SLC25A37: variants seen among roughly 807,000 people sequenced by gnomAD.
SLC25A37 encodes the protein mitoferrin-1.
A neutral mutation model predicts 31.0 loss-of-function variants in SLC25A37; 17 were observed. The observed-to-expected ratio is 0.55, with a 90% CI of 0.38 to 0.82. The LOEUF (loss-of-function observed/expected upper bound fraction) is 0.82. Among genes scored for constraint, SLC25A37 ranks in the 40% least tolerant of loss-of-function variants. The probability of loss-of-function intolerance (pLI) is 0.00; values close to 1 mark genes in which losing one functional copy is unlikely to be tolerated. For synonymous variants in SLC25A37, 222 were observed against 193.0 expected (o/e 1.15, Z -1.24); for missense variants, 404 against 465.8 (o/e 0.87, Z 1.22).
intron 1 of SLC25A37, among the ~76,000 whole-genome samples, chr8:23,563,099 A>G (rs1016198397): frequency 6.6e-6 from 1 of 152,178 alleles, no homozygotes; most frequent in East Asian, 1.9e-4. Context: ...TGACCTGGGT[A>G]TTCTCTTGGT....
At position 23,560,214 on chromosome 8, in the gene SLC25A37, G is replaced by A. The variant is rs745956386; in HGVS notation, c.211-5894G>A. 5.6e-4 allele frequency among the ~76,000 whole-genome samples: 85 copies of A among 152,308 alleles called. 1 individual carries two copies. The Middle Eastern group carries it at 0.01, about 18-fold the overall frequency. The stretch of plus-strand genomic sequence containing the variant: ...GCCCAGGAGGCTCAGGCTGCAGTGA[G>A]CTATGATCGTGCCACTGCACTCTAG... On this transcript the variant is annotated intron_variant, in intron 1 of 3. Coordinates refer to ENST00000519973, the MANE Select transcript of SLC25A37 (RefSeq NM_016612.4).
intron 1 of SLC25A37, among the ~76,000 whole-genome samples, chr8:23,539,797 A>G (rs4872143): frequency 0.039 from 5,973 of 152,340 alleles, 454 homozygotes; most frequent in East Asian, 0.35. Context: ...GTGCTTGATT[A>G]TTAGAGCTGT....
rs1002144928 is a variant in SLC25A37 at position 23,550,533 on chromosome 8, C to G, written c.211-15575C>G. Reference sequence around the variant, plus strand: ...GCCTCCGCCAAGGGCGTGGGAACTGCATTTGTAGAAGCTGGGAGGACCACA... The same window carrying G: ...GCCTCCGCCAAGGGCGTGGGAACTGGATTTGTAGAAGCTGGGAGGACCACA... On this transcript the variant is annotated intron_variant, in intron 1 of 3. Coordinates refer to ENST00000519973, the MANE Select transcript of SLC25A37 (RefSeq NM_016612.4). Among the ~76,000 whole-genome samples the G allele has an allele frequency of 9.9e-5, 15 of 152,240 alleles. 1 individual carries two copies. Among genetic ancestry groups the G allele is most frequent in the African/African-American group, 3.6e-4 (15 of 41,466 alleles).
chr8:23,552,295 A>T (rs1802248431), intron 1 of SLC25A37, among the ~76,000 whole-genome samples: 1 of 152,204 alleles, frequency 6.6e-6, no homozygotes, highest in East Asian at 1.9e-4. Context: ...GAATACAAGG[A>T]TTTCTCGTTC....
At chr8:23,533,915 A>G (rs1056784083) in intron 1 of SLC25A37, among the ~76,000 whole-genome samples, 1 of 149,702 alleles carries the variant, frequency 6.7e-6, no homozygotes, top group Non-Finnish European at 1.5e-5. Flanking sequence ...GGTATATCCA[A>G]TCTCTTTCTC....
At chr8:23,546,503 A>G (rs60392867) in intron 1 of SLC25A37, among the ~76,000 whole-genome samples, 48,120 of 133,126 alleles carry the variant, frequency 0.36, 10,851 homozygotes, top group East Asian at 0.59. Flanking sequence ...GTGTGTATAT[A>G]TATATATAGG....
intron 1 of SLC25A37, among the ~76,000 whole-genome samples, chr8:23,563,229 C>T (rs868428732): frequency 6.6e-6 from 1 of 151,926 alleles, no homozygotes. Flanking sequence ...TTCTGTCACC[C>T]AGGCTGGAGT....
chr8:23,539,575 C>G (rs551040325), intron 1 of SLC25A37, among the ~76,000 whole-genome samples: 3 of 152,174 alleles, frequency 2.0e-5, no homozygotes, highest in African/African-American at 7.2e-5. Context: ...GTGTGGGCCC[C>G]GTGAATTTAA....
Position 23,554,466 on chromosome 8 carries a change from G to A in SLC25A37, c.211-11642G>A, listed in dbSNP as rs181300028. 2.3e-4 allele frequency among the ~76,000 whole-genome samples: 35 copies of A among 152,338 alleles called. 1 individual carries two copies. Among genetic ancestry groups the A allele is most frequent in the Non-Finnish European group, 5.0e-4 (34 of 68,020 alleles). Reference sequence around the variant, plus strand: ...CAGTGAGGTCACCAGTTGCACTCATGAAATCTTAGTCCTGTTATCTGGCAT... The same window carrying A: ...CAGTGAGGTCACCAGTTGCACTCATAAAATCTTAGTCCTGTTATCTGGCAT... On this transcript the variant is annotated intron_variant, in intron 1 of 3. Coordinates refer to ENST00000519973, the MANE Select transcript of SLC25A37 (RefSeq NM_016612.4).
chr8:23,536,936 C>T (rs1179975597), intron 1 of SLC25A37, among the ~76,000 whole-genome samples: 1 of 152,216 alleles, frequency 6.6e-6, no homozygotes, highest in Non-Finnish European at 1.5e-5. Context: ...TGGCTCACGC[C>T]TGTAATCCCA....
intron 1 of SLC25A37, among the ~76,000 whole-genome samples, chr8:23,554,429 C>G (rs763581534): frequency 3.3e-5 from 5 of 152,200 alleles, no homozygotes; most frequent in African/African-American, 9.7e-5. Context: ...AGTCCCTTCC[C>G]TTTCTGTCTC....
At chr8:23,537,131 G>A (rs191790841) in intron 1 of SLC25A37, among the ~76,000 whole-genome samples, 104 of 150,792 alleles carry the variant, frequency 6.9e-4, no homozygotes, top group African/African-American at 2.4e-3. Flanking sequence ...GGGAGGTCGA[G>A]GCTGTAGTGA....
chr8:23,556,544 A>T (rs181565262), intron 1 of SLC25A37, among the ~76,000 whole-genome samples: 278 of 151,958 alleles, frequency 1.8e-3, no homozygotes, highest in African/African-American at 6.4e-3. Context: ...CCTTTTCATT[A>T]AAAACATACA....
Position 23,529,314 on chromosome 8 carries a change from C to A in SLC25A37, c.210+102C>A. On this transcript the variant is annotated intron_variant, in intron 1 of 3. Coordinates refer to ENST00000519973, the MANE Select transcript of SLC25A37 (RefSeq NM_016612.4). This position sits in a 1 kb window ranked among gnomAD's most constrained non-coding sequence, Gnocchi z 4.1. ...CAGCCTCGGGGCAGCGTCCCGAAACCGAGCTCTCCCCAGGACCGCGGCTGG... is the reference window on the plus strand; with the variant it reads ...CAGCCTCGGGGCAGCGTCCCGAAACAGAGCTCTCCCCAGGACCGCGGCTGG... 2 of 1,202,162 alleles carry A rather than the reference C, an allele frequency of 1.7e-6. No homozygotes were observed. Among genetic ancestry groups the A allele is most frequent in the Non-Finnish European group, 2.3e-6 (2 of 877,958 alleles). The allele number at this position is 1,202,162 out of a possible 1,614,324, so 74.5% of individuals were successfully genotyped here. A position where few individuals can be genotyped will look rare whatever the true frequency, so the allele number is the denominator to read the frequency against.
At chr8:23,553,159 G>A (rs1372186182) in intron 1 of SLC25A37, among the ~76,000 whole-genome samples, 2 of 152,188 alleles carry the variant, frequency 1.3e-5, no homozygotes, top group Admixed American at 1.3e-4. Flanking sequence ...AGTGGCTCAC[G>A]CCTGTAATCC....
In SLC25A37 at chr8:23,571,748, G is replaced by A; in HGVS notation, c.910G>A (p.Ala304Thr). 2 of 1,614,018 alleles carry A rather than the reference G, an allele frequency of 1.2e-6. No homozygotes were observed. Among genetic ancestry groups the A allele is most frequent in the Non-Finnish European group, 1.7e-6 (2 of 1,179,896 alleles). ...GGCCGGCTACTTCAAAGGCATCCAG[G>A]CGCGTGTCATCTACCAGATGCCCTC... is the stretch of plus-strand genomic sequence containing the variant. ...GLAGYFKGIQ[A>T]RVIYQMPSTA... Residue 304 changes from alanine to threonine, a missense_variant, in exon 4 of 4, where the codon GCG (alanine) becomes ACG (threonine). By Grantham distance (58) the Ala-to-Thr change is moderately conservative. Coordinates refer to ENST00000519973, the MANE Select transcript of SLC25A37 (RefSeq NM_016612.4).
At chr8:23,553,037 A>T (rs1254960205) in intron 1 of SLC25A37, among the ~76,000 whole-genome samples, 1 of 152,142 alleles carries the variant, frequency 6.6e-6, no homozygotes, top group East Asian at 1.9e-4. Context: ...GTTGATGTGC[A>T]TGTACGGTGC....
chr8:23,547,631 G>A lies in SLC25A37; in HGVS notation c.210+18419G>A, dbSNP rs1338386363. 6.6e-5 allele frequency among the ~76,000 whole-genome samples: 10 copies of A among 152,150 alleles called. No homozygotes were observed. The South Asian group carries it at 8.3e-4, about 13-fold the overall frequency. On this transcript the variant is annotated intron_variant, in intron 1 of 3. Transcript: ENST00000519973. ...CTCACAAGCACTTTTGCTTTGCAGC[G>A]GAAGCTAGGAAGACCCTGCTGTGGA...
Position 23,529,301 on chromosome 8 carries a change from A to C in SLC25A37, c.210+89A>C. 1 of 1,328,912 alleles carries C rather than the reference A, an allele frequency of 7.5e-7. No individual in the cohort carries two copies. Among genetic ancestry groups the C allele is most frequent in the Non-Finnish European group, 1.0e-6 (1 of 984,852 alleles). The allele number at this position is 1,328,912 out of a possible 1,614,324, so 82.3% of individuals were successfully genotyped here. A position where few individuals can be genotyped will look rare whatever the true frequency, so the allele number is the denominator to read the frequency against. On this transcript the variant is annotated intron_variant, in intron 1 of 3. Transcript: ENST00000519973. This position sits in a 1 kb window ranked among gnomAD's most constrained non-coding sequence, Gnocchi z 4.1. ...TCCCGCGCGCCGGCAGCCTCGGGGC[A>C]GCGTCCCGAAACCGAGCTCTCCCCA...
Sources: gnomAD v4.1 joint callset for allele counts (sites outside exome capture counted in the v4.1 genomes callset) on GRCh38, gnomAD v4.1.1 for gene constraint, Gnocchi (gnomAD v3.1) non-coding constraint, MANE v1.5 for transcripts, NCBI Gene and HGNC (gene_info 2026-07-23, HGNC 2026-07-21) for gene names.